The following PIK3R6 variants were observed in gnomAD, a reference collection of about 807,000 sequenced individuals.
The protein encoded by PIK3R6 is phosphoinositide 3-kinase regulatory subunit 6.
PIK3R6 carries 91 observed loss-of-function variants against 84.9 expected under a neutral mutation model. The ratio of observed to expected loss-of-function variants is 1.07; its 90% CI spans 0.90 to 1.28. The LOEUF (loss-of-function observed/expected upper bound fraction) is 1.28, where lower values mean the gene tolerates loss of function less well. PIK3R6 is among the 50% of genes most tolerant of loss of function. The pLI, the probability that PIK3R6 is intolerant of heterozygous loss-of-function variation, is 0.00. For missense variants in PIK3R6, 996 were observed against 985.1 expected, an observed-to-expected ratio of 1.01 and a Z score of -0.15; for synonymous variants, 416 against 411.4, an observed-to-expected ratio of 1.01 and a Z score of -0.13.
At position 8,803,394 on chromosome 17, in the gene PIK3R6, C is replaced by T. The variant is rs760471049; in HGVS notation, c.2144G>A (p.Gly715Glu). ...EVAPCPEPCSGAQKSKAPWLN... is the reference protein window; with the variant it reads ...EVAPCPEPCSEAQKSKAPWLN... ...CCACGGTGCCTTGGACTTCTGGGCCCCAGAACATGGTTCTGGGCAGGGAGC... is the reference window on the plus strand; with the variant it reads ...CCACGGTGCCTTGGACTTCTGGGCCTCAGAACATGGTTCTGGGCAGGGAGC... Residue 715 changes from glycine (G) to glutamate (E), a missense_variant, in exon 20 of 20, where the codon GGG becomes GAG. Gly to Glu is a moderately conservative substitution (Grantham distance 98). Transcript: ENST00000619866. This position sits in a 1 kb window ranked among gnomAD's most constrained non-coding sequence, Gnocchi z 5.0. 6 of 1,612,818 alleles carry T rather than the reference C, an allele frequency of 3.7e-6. No individual in the cohort carries two copies. The Admixed American group carries it at 5.0e-5, about 13-fold the overall frequency.
intron 8 of PIK3R6, among the ~76,000 whole-genome samples, chr17:8,834,816 A>G (rs2088395738): frequency 6.6e-6 from 1 of 151,418 alleles, no homozygotes; most frequent in Non-Finnish European, 1.5e-5. Context: ...TGCTAGGAAT[A>G]CTGGCATTAT....
rs999196311 is a variant in PIK3R6 at position 8,822,039 on chromosome 17, C to G, written c.1789-103G>C. Reference sequence around the variant, plus strand: ...TGCCTCTCTCCCCTGTTTTCCACCCCTGCTGTGAGAGTCTTTTTTTTTTTT... The same window carrying G: ...TGCCTCTCTCCCCTGTTTTCCACCCGTGCTGTGAGAGTCTTTTTTTTTTTT... On this transcript the variant is annotated intron_variant, in intron 16 of 19. Transcript: ENST00000619866. The G allele has an allele frequency of 3.4e-6, 3 of 879,642 alleles. No homozygotes were observed. In the African/African-American group the frequency reaches 5.2e-5, roughly 15 times the overall value. 54.5% of individuals were successfully genotyped at this position (879,642 alleles called of 1,614,324 possible). A position where few individuals can be genotyped will look rare whatever the true frequency, so the allele number is the denominator to read the frequency against.
At chr17:8,829,444 T>C (rs1209258516) in intron 10 of PIK3R6, among the ~76,000 whole-genome samples, 1 of 107,858 alleles carries the variant, frequency 9.3e-6, no homozygotes, top group East Asian at 2.7e-4. Context: ...ATACACACAC[T>C]GACACGCATC....
chr17:8,822,190 C>T lies in PIK3R6; in HGVS notation c.1789-254G>A, dbSNP rs568855469. On this transcript the variant is annotated intron_variant, in intron 16 of 19. Coordinates refer to ENST00000619866, the MANE Select transcript of PIK3R6 (RefSeq NM_001010855.4). ...CAGGCATGAGCCACGGTGCCAGACC[C>T]GGTTTTGTCTATGTCACTAAGGTCC... 3.9e-5 allele frequency among the ~76,000 whole-genome samples: 6 copies of T among 151,942 alleles called. No individual in the cohort carries two copies. In the East Asian group the frequency reaches 5.8e-4, roughly 15 times the overall value.
intron 1 of PIK3R6, among the ~76,000 whole-genome samples, chr17:8,860,296 C>T (rs537853336): frequency 2.6e-5 from 4 of 151,012 alleles, no homozygotes; most frequent in African/African-American, 4.9e-5. Context: ...GGGCGGGGGG[C>T]GGTGTGGGCA....
intron 2 of PIK3R6, among the ~76,000 whole-genome samples, chr17:8,846,911 C>T (rs573660577): frequency 1.3e-5 from 2 of 152,088 alleles, no homozygotes; most frequent in African/African-American, 2.4e-5. Flanking sequence ...GCCTGTGTTC[C>T]CTGCACTGTC....
At chr17:8,822,052 CTTTTT>C (rs546514771) in intron 16 of PIK3R6, 116 bp from the exon 17 acceptor site, 2,885 of 409,418 alleles carry the variant, frequency 7.0e-3, no homozygotes, top group South Asian at 0.01. Context: ...CTGTGAGAGT[CTTTTT>C]TTTTTTTTTT....
chr17:8,840,385 C>T (rs1199540161), intron 2 of PIK3R6, among the ~76,000 whole-genome samples: 2 of 132,162 alleles, frequency 1.5e-5, no homozygotes, highest in African/African-American at 2.8e-5. Context: ...ATATAGCCTC[C>T]AAATATGTAT....
rs531025280 is a variant in PIK3R6 at position 8,820,234 on chromosome 17, T to C, written c.1880-1036A>G. ...CTCCCTGCCAACTAAAGAGGGTTTG[T>C]AGAAGTCTGCTCTACCGAGGGTGCT... On this transcript the variant is annotated intron_variant, in intron 17 of 19. Transcript: ENST00000619866. Among the ~76,000 whole-genome samples, 6 of 152,008 alleles carry C rather than the reference T, an allele frequency of 3.9e-5. No individual in the cohort carries two copies. The South Asian group carries it at 1.2e-3, about 32-fold the overall frequency.
chr17:8,857,918 A>AG (rs1167084557), intron 1 of PIK3R6, among the ~76,000 whole-genome samples: 1 of 147,936 alleles, frequency 6.8e-6, no homozygotes, highest in Non-Finnish European at 1.5e-5. Flanking sequence ...AAAAAAAAAA[A>AG]GGGAAAGTAA....
intron 18 of PIK3R6, among the ~76,000 whole-genome samples, chr17:8,817,909 T>G (rs555863707): frequency 0.024 from 3,343 of 137,518 alleles, 117 homozygotes; most frequent in African/African-American, 0.086. Flanking sequence ...GGCAGAGTTG[T>G]TTTTTTTTTT....
At chr17:8,819,938 T>TA (rs1189106296) in intron 17 of PIK3R6, among the ~76,000 whole-genome samples, 4 of 115,178 alleles carry the variant, frequency 3.5e-5, no homozygotes, top group African/African-American at 1.9e-4. Flanking sequence ...TATATATATA[T>TA]TTTTATATAT....
At position 8,856,564 on chromosome 17, in the gene PIK3R6, T is replaced by A. The variant is rs558157042; in HGVS notation, c.-91-6679A>T. Among the ~76,000 whole-genome samples, 7 of 152,326 alleles carry A rather than the reference T, an allele frequency of 4.6e-5. No individual in the cohort carries two copies. The South Asian group carries it at 1.4e-3, about 32-fold the overall frequency. On this transcript the variant is annotated intron_variant, in intron 1 of 19. Transcript: ENST00000619866. ...TTGCAGTGAGCTGAGGTCTTACCAC[T>A]GCACTCCAGCCTGGGTGAAAGAGTG...
chr17:8,829,459 C>CGG (rs2088117081), intron 10 of PIK3R6, among the ~76,000 whole-genome samples: 3 of 150,272 alleles, frequency 2.0e-5, no homozygotes, highest in African/African-American at 7.4e-5. Context: ...CGCATCCACA[C>CGG]ACATACACTG....
At chr17:8,854,510 T>C (rs977281465) in intron 1 of PIK3R6, among the ~76,000 whole-genome samples, 10 of 152,278 alleles carry the variant, frequency 6.6e-5, no homozygotes, top group African/African-American at 1.7e-4. Flanking sequence ...CATAAATCAA[T>C]GGAACAGAAC....
intron 9 of PIK3R6, among the ~76,000 whole-genome samples, 164 bp downstream of exon 9, chr17:8,832,725 C>T (rs572965871): frequency 6.6e-6 from 1 of 152,098 alleles, no homozygotes; most frequent in South Asian, 2.1e-4. Flanking sequence ...CTCTTAGTCC[C>T]GGTCCTGCCA....
At position 8,823,000 on chromosome 17, in the gene PIK3R6, G is replaced by C. The variant is rs112846759; in HGVS notation, c.1713C>G (p.Pro571=). The change falls in exon 15 of 20, where the codon CCC becomes CCG. Residue 571 remains proline (P), a synonymous_variant. Coordinates refer to ENST00000619866, the MANE Select transcript of PIK3R6 (RefSeq NM_001010855.4). ...AAAAGGGAGGCAGATGCTTACCTTT[G>C]GGGAATTTAGAATCTTGGATCTTCA... is the stretch of plus-strand genomic sequence containing the variant. ...LKVKIQDSKF[P]KDGFSPRRRG... 5.5e-3 allele frequency: 8,732 copies of C among 1,600,404 alleles called. 315 individuals are homozygous for C. In the African/African-American group the frequency reaches 0.085, roughly 16 times the overall value.
Position 8,803,500 on chromosome 17 carries a change from A to G in PIK3R6, c.2109-71T>C. The G allele has an allele frequency of 6.9e-7, 1 of 1,458,476 alleles. No individual in the cohort carries two copies. Among genetic ancestry groups the G allele is most frequent in the East Asian group, 2.3e-5 (1 of 43,594 alleles). 90.3% of individuals were successfully genotyped at this position (1,458,476 alleles called of 1,614,324 possible). A position where few individuals can be genotyped will look rare whatever the true frequency, so the allele number is the denominator to read the frequency against. ...AGATTGCCTAGGGCATTTGAAAGGC[A>G]GAGCTGTTATTGTAGGGCCTAGAGC... On this transcript the variant is annotated intron_variant, in intron 19 of 19. Transcript: ENST00000619866. The surrounding 1 kb of genome is among the most constrained non-coding windows in gnomAD (Gnocchi z 5.0).
Position 8,823,052 on chromosome 17 carries a change from T to C in PIK3R6, c.1661A>G (p.Glu554Gly). 1 of 1,610,304 alleles carries C rather than the reference T, an allele frequency of 6.2e-7. No homozygotes were observed. The part of the protein sequence containing the change: ...FFSDLSQDPT[E>G]DIFLIELKVK... Reference sequence around the variant, plus strand: ...CTTCAGTTCAATGAGGAAAATGTCCTCAGTAGGGTCTTGGCTCAGGTCACT... The same window carrying C: ...CTTCAGTTCAATGAGGAAAATGTCCCCAGTAGGGTCTTGGCTCAGGTCACT... The change falls in exon 15 of 20, where the codon GAG becomes GGG. Residue 554 changes from glutamate to glycine, a missense_variant. Physicochemically the swap from Glu to Gly is moderately conservative, Grantham distance 98 (BLOSUM62 -2). Coordinates refer to ENST00000619866, the MANE Select transcript of PIK3R6 (RefSeq NM_001010855.4).
Sources: allele counts gnomAD v4.1 joint callset (sites outside exome capture counted in the v4.1 genomes callset), GRCh38; gene constraint gnomAD v4.1.1; non-coding constraint Gnocchi (gnomAD v3.1); transcripts MANE v1.5; gene names NCBI Gene and HGNC (gene_info 2026-07-23, HGNC 2026-07-21).